The following PIK3R3 variants were observed in gnomAD, a reference collection of about 807,000 sequenced individuals.
PIK3R3 encodes the protein phosphatidylinositol 3-kinase regulatory subunit gamma.
PIK3R3 carries 64 observed loss-of-function variants against 62.9 expected under a neutral mutation model. That is an observed-to-expected ratio of 1.02 (90% CI 0.83 to 1.25). PIK3R3 has a LOEUF of 1.25. Ranked by LOEUF, PIK3R3 falls within the 50% of genes most tolerant of loss-of-function variation. The probability of loss-of-function intolerance (pLI) is 0.00; values close to 1 mark genes in which losing one functional copy is unlikely to be tolerated. For synonymous variants in PIK3R3, 165 were observed against 189.0 expected (o/e 0.87, Z 1.04); for missense variants, 614 against 561.6 (o/e 1.09, Z -0.94).
In PIK3R3 at chr1:46,041,378, AAATG is replaced by A. The variant is rs1161955427; in HGVS notation, c.*2291_*2294del. On this transcript the variant is annotated 3_prime_UTR_variant, in exon 10 of 10. Coordinates refer to ENST00000262741, the MANE Select transcript of PIK3R3 (RefSeq NM_003629.4). Reference sequence around the variant, plus strand: ...ACAATGAATTCAAGAATGAAAAAAAAAATGAAGGAATGTAGGACTGAAAAAAAGC... The same window carrying A: ...ACAATGAATTCAAGAATGAAAAAAAAAAGGAATGTAGGACTGAAAAAAAGC... 3 of 170,846 alleles carry A rather than the reference AAATG, an allele frequency of 1.8e-5. No homozygotes were observed. The East Asian group carries it at 3.3e-4, about 19-fold the overall frequency. The allele number at this position is 170,846 out of a possible 1,614,324, so 10.6% of individuals were successfully genotyped here.
rs142247348 is a variant in PIK3R3 at position 46,103,986 on chromosome 1, C to T, written c.107-23236G>A. On this transcript the variant is annotated intron_variant, in intron 1 of 9. Coordinates refer to ENST00000262741, the MANE Select transcript of PIK3R3 (RefSeq NM_003629.4). Reference sequence around the variant, plus strand: ...TTTTGCCCAAGCTGGGGTGAAGTGACGTGATCTCAGCTCACTGCAACCTCT... The same window carrying T: ...TTTTGCCCAAGCTGGGGTGAAGTGATGTGATCTCAGCTCACTGCAACCTCT... Among the ~76,000 whole-genome samples the T allele has an allele frequency of 3.4e-3, 522 of 151,940 alleles. 3 individuals carry two copies. The highest frequency in any genetic ancestry group is 0.012 in the African/African-American group (482 of 41,434).
chr1:46,057,823 T>G (rs1199195962), intron 6 of PIK3R3, among the ~76,000 whole-genome samples: 1 of 152,180 alleles, frequency 6.6e-6, no homozygotes, highest in Non-Finnish European at 1.5e-5. Flanking sequence ...TTTGAAAAAT[T>G]TGCAGCCTGA....
chr1:46,101,333 A>G (rs763158531), intron 1 of PIK3R3, among the ~76,000 whole-genome samples: 1 of 152,072 alleles, frequency 6.6e-6, no homozygotes, highest in Non-Finnish European at 1.5e-5. Flanking sequence ...ATCTCTACTA[A>G]AAATACAAAA....
chr1:46,135,779 C>T (rs1655907248), upstream of PIK3R3, among the ~76,000 whole-genome samples: 1 of 152,008 alleles, frequency 6.6e-6, no homozygotes, highest in South Asian at 2.1e-4. Flanking sequence ...TGCCTGTAAT[C>T]CCAGCACTTT....
At position 46,044,174 on chromosome 1, in the gene PIK3R3, C is replaced by T. The variant is rs1367239191; in HGVS notation, c.1188-303G>A. Among the ~76,000 whole-genome samples, 1 of 151,822 alleles carries T rather than the reference C, an allele frequency of 6.6e-6. No homozygotes were observed. Among genetic ancestry groups the T allele is most frequent in the East Asian group, 1.9e-4 (1 of 5,168 alleles). The stretch of plus-strand genomic sequence containing the variant: ...CACTGCAGCCTTGAACTCCTGGGCT[C>T]AAGTGATCCTCCCACCACAGCTTCC... On this transcript the variant is annotated intron_variant, in intron 9 of 9. Transcript: ENST00000262741. The surrounding 1 kb of genome is among the most constrained non-coding windows in gnomAD (Gnocchi z 4.2).
intron 1 of PIK3R3, among the ~76,000 whole-genome samples, chr1:46,106,166 G>A (rs926126197): frequency 6.6e-5 from 10 of 152,058 alleles, no homozygotes; most frequent in African/African-American, 7.2e-5. Flanking sequence ...TACAATGGAC[G>A]ACTATGGCTT....
At chr1:46,096,608 A>C (rs1652145282) in intron 1 of PIK3R3, among the ~76,000 whole-genome samples, 1 of 152,206 alleles carries the variant, frequency 6.6e-6, no homozygotes. Context: ...AGAAGGCAGT[A>C]ATAAAACTGG....
the PIK3R3 span, among the ~76,000 whole-genome samples, chr1:46,149,471 T>C: frequency 7.9e-5 from 12 of 151,788 alleles, no homozygotes; most frequent in Non-Finnish European, 1.8e-4. Context: ...CATAACAGTT[T>C]ATAAATACCA....
chr1:46,067,277 T>TATATATATATATAA (rs368368491), intron 3 of PIK3R3, among the ~76,000 whole-genome samples, 186 bp from the exon 4 acceptor site: 5 of 147,308 alleles, frequency 3.4e-5, no homozygotes, highest in East Asian at 4.0e-4. Flanking sequence ...TATATATATA[T>TATATATATATATAA]AATTCATTTT....
intron 1 of PIK3R3, among the ~76,000 whole-genome samples, chr1:46,125,548 C>T (rs1170465170): frequency 6.6e-6 from 1 of 152,128 alleles, no homozygotes; most frequent in Admixed American, 6.5e-5. Context: ...TTTCCCCAAC[C>T]ATAGGGCCAG....
chr1:46,127,538 C>T (rs989368078), intron 1 of PIK3R3, among the ~76,000 whole-genome samples: 6 of 152,082 alleles, frequency 3.9e-5, no homozygotes, highest in Non-Finnish European at 8.8e-5. Flanking sequence ...TAGCTACAAC[C>T]TTTTGTGTAT....
the PIK3R3 span, among the ~76,000 whole-genome samples, chr1:46,173,376 T>G: frequency 6.6e-6 from 1 of 152,248 alleles, no homozygotes; most frequent in Non-Finnish European, 1.5e-5. Context: ...GAACTCCCAC[T>G]GCCTTGCTCA....
chr1:46,084,081 C>T (rs7547576), intron 1 of PIK3R3, among the ~76,000 whole-genome samples: 1 of 152,086 alleles, frequency 6.6e-6, no homozygotes, highest in African/African-American at 2.4e-5. Context: ...ATAGATTATT[C>T]AGCAATAGAA....
At chr1:46,128,173 G>C (rs773993218) in intron 1 of PIK3R3, among the ~76,000 whole-genome samples, 1 of 152,150 alleles carries the variant, frequency 6.6e-6, no homozygotes, top group South Asian at 2.1e-4. Flanking sequence ...AGTGGCTCAC[G>C]TCTGTAATCC....
rs1209119323 is a variant in PIK3R3, at chr1:46,041,038, C to T, written c.*2635G>A. On this transcript the variant is annotated 3_prime_UTR_variant, in exon 10 of 10. Transcript: ENST00000262741. ...TCTCTAGCCAGGGGTATAATGAACC[C>T]CTCTGATCTTGGTCTCTCTTTGCCC... 6.2e-6 allele frequency: 1 copy of T among 162,278 alleles called. No individual in the cohort carries two copies. Among genetic ancestry groups the T allele is most frequent in the East Asian group, 1.4e-4 (1 of 7,236 alleles). 10.1% of individuals were successfully genotyped at this position (162,278 alleles called of 1,614,324 possible).
At position 46,046,921 on chromosome 1, in the gene PIK3R3, G is replaced by A. The variant is rs116611828; in HGVS notation, c.942-296C>T. The A allele has an allele frequency of 3.2e-3, 1,458 of 454,856 alleles. 18 individuals are homozygous for A. The highest frequency in any genetic ancestry group is 0.025 in the African/African-American group (1,263 of 50,298). 28.2% of individuals were successfully genotyped at this position (454,856 alleles called of 1,614,324 possible). On this transcript the variant is annotated intron_variant, in intron 7 of 9. Coordinates refer to ENST00000262741, the MANE Select transcript of PIK3R3 (RefSeq NM_003629.4). ...TGCCACCACAAGCACACACATACTC[G>A]CACTCACAGTGGGACATTTGTTTCT...
At chr1:46,159,264 A>T in the PIK3R3 span, among the ~76,000 whole-genome samples, 1 of 152,088 alleles carries the variant, frequency 6.6e-6, no homozygotes, top group South Asian at 2.1e-4. Flanking sequence ...TTTCCACTAG[A>T]TTATAAATTC....
chr1:46,096,357 T>C (rs768321784), intron 1 of PIK3R3, among the ~76,000 whole-genome samples: 1 of 152,218 alleles, frequency 6.6e-6, no homozygotes, highest in East Asian at 1.9e-4. Context: ...ATCTGTAAAA[T>C]GGTTGATTAT....
chr1:46,090,825 G>C (rs1392880269), intron 1 of PIK3R3, among the ~76,000 whole-genome samples: 1 of 151,992 alleles, frequency 6.6e-6, no homozygotes, highest in African/African-American at 2.4e-5. Context: ...TCTGCATTTG[G>C]TATGTCAGTC....
Sources: gnomAD v4.1 joint callset for allele counts (sites outside exome capture counted in the v4.1 genomes callset) on GRCh38, gnomAD v4.1.1 for gene constraint, Gnocchi (gnomAD v3.1) non-coding constraint, MANE v1.5 for transcripts, NCBI Gene and HGNC (gene_info 2026-07-23, HGNC 2026-07-21) for gene names.